Variants in MYO6 observed in about 807,000 individuals in gnomAD.
The protein encoded by MYO6 is unconventional myosin-VI.
In MYO6, 74 loss-of-function variants were observed where a neutral mutation model predicts 178.7. That is an observed-to-expected ratio of 0.41 (90% confidence interval 0.34 to 0.50). The LOEUF (loss-of-function observed/expected upper bound fraction) is 0.50. MYO6 is among the 20% of genes least tolerant of loss of function. MYO6 has a pLI of 0.09. For missense variants in MYO6, 1,330 were observed against 1,547.4 expected (o/e 0.86, Z 2.36); for synonymous variants, 477 against 504.6 (o/e 0.95, Z 0.73).
intron 1 of MYO6, among the ~76,000 whole-genome samples, chr6:75,810,687 A>G (rs555656807): frequency 3.9e-5 from 6 of 152,308 alleles, no homozygotes; most frequent in Non-Finnish European, 8.8e-5. Flanking sequence ...TGGATCAAGT[A>G]TCAGGGGTCG....
chr6:75,756,910 T>TACAC (rs35759968), intron 1 of MYO6, among the ~76,000 whole-genome samples: 1,277 of 123,944 alleles, frequency 0.01, 71 homozygotes, highest in African/African-American at 0.019. Context: ...TATATATATA[T>TACAC]ACACATATAT....
chr6:75,853,043 C>T (rs948334649), intron 11 of MYO6, among the ~76,000 whole-genome samples: 4 of 152,102 alleles, frequency 2.6e-5, no homozygotes, highest in Non-Finnish European at 5.9e-5. Flanking sequence ...CAGGGTGTGA[C>T]GTGTTATCTT....
intron 1 of MYO6, among the ~76,000 whole-genome samples, chr6:75,754,427 T>C (rs1374243205): frequency 7.4e-6 from 1 of 136,052 alleles, no homozygotes; most frequent in Non-Finnish European, 1.5e-5. Context: ...GGCCAAGGCA[T>C]GAGAATCACT....
At chr6:75,770,524 T>A (rs1765772219) in intron 1 of MYO6, among the ~76,000 whole-genome samples, 1 of 152,222 alleles carries the variant, frequency 6.6e-6, no homozygotes. Context: ...TTGCCCAGGC[T>A]GGAGTGCAGT....
At chr6:75,756,879 T>G (rs556076524) in intron 1 of MYO6, among the ~76,000 whole-genome samples, 2 of 88,334 alleles carry the variant, frequency 2.3e-5, no homozygotes, top group African/African-American at 3.2e-5. Context: ...AGAGTACTTA[T>G]GTGTGTTGTG....
chr6:75,832,797 A>G (rs112278668), intron 5 of MYO6, 45 bp from the exon 6 acceptor site: 18 of 1,170,500 alleles, frequency 1.5e-5, no homozygotes, highest in African/African-American at 1.1e-4. Flanking sequence ...TATTAACTTT[A>G]TATTTAATAT....
intron 2 of MYO6, among the ~76,000 whole-genome samples, chr6:75,818,996 G>A (rs1771581449): frequency 6.6e-6 from 1 of 152,122 alleles, no homozygotes; most frequent in Non-Finnish European, 1.5e-5. Context: ...TTTATATATA[G>A]TTGTTATGTA....
intron 1 of MYO6, among the ~76,000 whole-genome samples, chr6:75,767,029 TC>T (rs1019317824): frequency 5.3e-5 from 8 of 151,380 alleles, no homozygotes; most frequent in African/African-American, 1.9e-4. Context: ...CTCAATTCAT[TC>T]TTTTTTTTTT....
chr6:75,852,800 T>C (rs1355906218), intron 11 of MYO6, among the ~76,000 whole-genome samples: 1 of 152,246 alleles, frequency 6.6e-6, no homozygotes, highest in Admixed American at 6.5e-5. Flanking sequence ...ATAATGCTGC[T>C]GAGAACGTTT....
intron 28 of MYO6, chr6:75,894,912 A>T: frequency 9.9e-7 from 1 of 1,009,292 alleles, no homozygotes; most frequent in Non-Finnish European, 1.4e-6. Context: ...ATGATTCTTG[A>T]TGCAAAGAGA....
chr6:75,859,786 A>C (rs950807822), intron 14 of MYO6, among the ~76,000 whole-genome samples: 11 of 151,462 alleles, frequency 7.3e-5, no homozygotes, highest in Admixed American at 7.3e-4. Context: ...CAGCCTCCTG[A>C]GTAGCTGGGA....
intron 7 of MYO6, among the ~76,000 whole-genome samples, chr6:75,837,187 G>A (rs1364877532): frequency 6.6e-6 from 1 of 152,120 alleles, no homozygotes; most frequent in East Asian, 1.9e-4. Flanking sequence ...TATATGGGAT[G>A]TATTAGGCAT....
At chr6:75,764,656 A>C (rs1778246886) in intron 1 of MYO6, among the ~76,000 whole-genome samples, 1 of 152,050 alleles carries the variant, frequency 6.6e-6, no homozygotes, top group Admixed American at 6.6e-5. Flanking sequence ...TACACACTTA[A>C]AAATTACTGA....
At chr6:75,836,037 C>A in intron 7 of MYO6, 81 bp downstream of exon 7, 1 of 933,804 alleles carries the variant, frequency 1.1e-6, no homozygotes, top group South Asian at 1.3e-5. Flanking sequence ...ATGTTCTTCT[C>A]TCAGAGATGC....
intron 1 of MYO6, among the ~76,000 whole-genome samples, chr6:75,810,813 G>T (rs1279098849): frequency 6.6e-6 from 1 of 152,172 alleles, no homozygotes. Flanking sequence ...TTGAGGAGAG[G>T]CCTCAGAGGA....
intron 1 of MYO6, among the ~76,000 whole-genome samples, chr6:75,816,719 ATCTC>A (rs1203891863): frequency 4.6e-5 from 7 of 152,018 alleles, no homozygotes; most frequent in African/African-American, 1.4e-4. Flanking sequence ...AGAGATAATA[ATCTC>A]TCTTTTTATC....
intron 1 of MYO6, among the ~76,000 whole-genome samples, chr6:75,795,584 C>A (rs1181391196): frequency 1.3e-5 from 2 of 152,106 alleles, no homozygotes; most frequent in Non-Finnish European, 2.9e-5. Flanking sequence ...ATTAAAAAAT[C>A]CAGGCATACT....
At chr6:75,844,670 T>G (rs1326709894) in intron 9 of MYO6, among the ~76,000 whole-genome samples, 1 of 152,124 alleles carries the variant, frequency 6.6e-6, no homozygotes, top group East Asian at 1.9e-4. Context: ...AATCATTTTA[T>G]TTAATCTATG....
chr6:75,786,758 A>G (rs1767603288), intron 1 of MYO6, among the ~76,000 whole-genome samples: 2 of 152,212 alleles, frequency 1.3e-5, no homozygotes, highest in Admixed American at 1.3e-4. Flanking sequence ...GTACATATAC[A>G]TACATATACA....
Sources: gnomAD v4.1 joint callset for allele counts (sites outside exome capture counted in the v4.1 genomes callset) on GRCh38, gnomAD v4.1.1 for gene constraint, MANE v1.5 for transcripts, NCBI Gene and HGNC (gene_info 2026-07-23, HGNC 2026-07-21) for gene names.